SLC22A3: variants seen among roughly 807,000 people sequenced by gnomAD.
SLC22A3 encodes EMT organic cation transporter 3.
In SLC22A3, 51 loss-of-function variants were observed where a neutral mutation model predicts 59.1. The ratio of observed to expected loss-of-function variants is 0.86; its 90% CI spans 0.69 to 1.09. The LOEUF (loss-of-function observed/expected upper bound fraction) is 1.09, where lower values mean the gene tolerates loss of function less well. Ranked by LOEUF, SLC22A3 falls within the 50% of genes least tolerant of loss-of-function variation. The pLI is 0.00. For missense variants in SLC22A3, 711 were observed against 726.3 expected (o/e 0.98, Z 0.24); for synonymous variants, 325 against 292.0 (o/e 1.11, Z -1.15).
intron 2 of SLC22A3, among the ~76,000 whole-genome samples, chr6:160,400,896 C>T (rs567339442): frequency 2.8e-5 from 4 of 145,270 alleles, no homozygotes; most frequent in Non-Finnish European, 4.5e-5. Context: ...AAATGAAAAA[C>T]GTTGTTACTG....
intron 5 of SLC22A3, among the ~76,000 whole-genome samples, chr6:160,411,076 T>C (rs560944031): frequency 6.6e-6 from 1 of 152,150 alleles, no homozygotes; most frequent in Non-Finnish European, 1.5e-5. Flanking sequence ...TCATAGGACA[T>C]ATTAAAGAAG....
At chr6:160,443,808 A>G (rs1788641366) in intron 9 of SLC22A3, 66 bp downstream of exon 9, 5 of 850,940 alleles carry the variant, frequency 5.9e-6, no homozygotes, top group African/African-American at 1.7e-5. Context: ...GAGACCTATA[A>G]TAATTGTTAG....
At chr6:160,393,213 G>T (rs371084221) in intron 1 of SLC22A3, among the ~76,000 whole-genome samples, 2 of 151,692 alleles carry the variant, frequency 1.3e-5, no homozygotes, top group East Asian at 1.9e-4. Context: ...TGGTCACCTG[G>T]GTCCATTCCC....
intron 2 of SLC22A3, among the ~76,000 whole-genome samples, chr6:160,398,596 TTTGTATTCATAAATGCAACTGCC>T (rs1786623610): frequency 6.6e-6 from 1 of 152,224 alleles, no homozygotes; most frequent in Non-Finnish European, 1.5e-5. Context: ...TTTCTATTAT[TTTGTATTCATAAATGCAACTGCC>T]CAGTGGCAGG....
chr6:160,424,258 T>G (rs76347719), intron 5 of SLC22A3, among the ~76,000 whole-genome samples: 2,052 of 152,174 alleles, frequency 0.013, 39 homozygotes, highest in East Asian at 0.086. Flanking sequence ...TTAATACATC[T>G]TGGATTAAAA....
chr6:160,372,612 C>G (rs1446052194), intron 1 of SLC22A3, among the ~76,000 whole-genome samples: 1 of 151,992 alleles, frequency 6.6e-6, no homozygotes, highest in Non-Finnish European at 1.5e-5. Flanking sequence ...ATCCATTCTA[C>G]CCATCACTTT....
chr6:160,362,564 C>G (rs1785049904), intron 1 of SLC22A3, among the ~76,000 whole-genome samples: 1 of 152,112 alleles, frequency 6.6e-6, no homozygotes, highest in Admixed American at 6.5e-5. Context: ...GAGGCTGAAG[C>G]GAGGGCGTGG....
intron 5 of SLC22A3, chr6:160,425,898 G>A (rs977437266): frequency 4.1e-6 from 4 of 985,270 alleles, no homozygotes; most frequent in Non-Finnish European, 4.8e-6. Flanking sequence ...AACATGCTTC[G>A]CTGTCAACAA....
At chr6:160,382,092 G>C (rs1785820558) in intron 1 of SLC22A3, among the ~76,000 whole-genome samples, 1 of 152,206 alleles carries the variant, frequency 6.6e-6, no homozygotes, top group Non-Finnish European at 1.5e-5. Context: ...GCCAAAGCAT[G>C]CTGATTCCCA....
chr6:160,387,372 T>C (rs1786063576), intron 1 of SLC22A3, among the ~76,000 whole-genome samples: 1 of 152,196 alleles, frequency 6.6e-6, no homozygotes, highest in South Asian at 2.1e-4. Context: ...CCGGCTTTTC[T>C]CCCAGAGCCT....
chr6:160,395,733 G>A (rs1237374190), intron 1 of SLC22A3, among the ~76,000 whole-genome samples: 1 of 152,126 alleles, frequency 6.6e-6, no homozygotes, highest in Non-Finnish European at 1.5e-5. Context: ...CATCTTGACT[G>A]ATCATCTCAG....
chr6:160,410,551 C>T lies in SLC22A3; in HGVS notation c.858-178C>T, dbSNP rs566155298. Among the ~76,000 whole-genome samples, 3 of 146,166 alleles carry T rather than the reference C, an allele frequency of 2.1e-5. No individual in the cohort carries two copies. In the South Asian group the frequency reaches 6.2e-4, roughly 30 times the overall value. The stretch of plus-strand genomic sequence containing the variant: ...ATCCAATTATCAAGCTAGCATTTTT[C>T]CCCATCCATTATAACCTTGCAGGAA... On this transcript the variant is annotated intron_variant, in intron 4 of 10. Coordinates refer to ENST00000275300, the MANE Select transcript of SLC22A3 (RefSeq NM_021977.4).
intron 7 of SLC22A3, among the ~76,000 whole-genome samples, chr6:160,440,265 C>T (rs921833772): frequency 6.6e-6 from 1 of 152,152 alleles, no homozygotes; most frequent in Admixed American, 6.5e-5. Flanking sequence ...TTGGATAAGT[C>T]GTCTTCTTGA....
At chr6:160,380,005 A>G (rs1785738291) in intron 1 of SLC22A3, among the ~76,000 whole-genome samples, 2 of 152,208 alleles carry the variant, frequency 1.3e-5, no homozygotes, top group South Asian at 4.1e-4. Context: ...AGGCTTATCT[A>G]GACAGATCCT....
intron 5 of SLC22A3, chr6:160,426,165 A>G: frequency 1.0e-6 from 1 of 985,476 alleles, no homozygotes; most frequent in Non-Finnish European, 1.2e-6. Flanking sequence ...CTCTTCAGCT[A>G]TACCTGACTT....
At chr6:160,416,706 C>G (rs1459337052) in intron 5 of SLC22A3, among the ~76,000 whole-genome samples, 1 of 152,184 alleles carries the variant, frequency 6.6e-6, no homozygotes, top group Non-Finnish European at 1.5e-5. Context: ...AGACATTATT[C>G]CTGCTTGTTA....
chr6:160,420,316 GGAACTATGGTGA>G (rs1351071914), intron 5 of SLC22A3, among the ~76,000 whole-genome samples: 2 of 152,214 alleles, frequency 1.3e-5, no homozygotes, highest in Non-Finnish European at 2.9e-5. Flanking sequence ...TTTTGCACAA[GGAACTATGGTGA>G]GCCAGGGCCT....
chr6:160,390,349 C>G (rs1426097640), intron 1 of SLC22A3, among the ~76,000 whole-genome samples: 2 of 152,162 alleles, frequency 1.3e-5, no homozygotes, highest in African/African-American at 4.8e-5. Context: ...AACTCCACAG[C>G]CAAGGCACTG....
chr6:160,375,128 T>C (rs1443551398), intron 1 of SLC22A3, among the ~76,000 whole-genome samples: 1 of 152,220 alleles, frequency 6.6e-6, no homozygotes, highest in African/African-American at 2.4e-5. Flanking sequence ...AAGCCAGATC[T>C]GGAAATTTGA....
Sources: allele counts gnomAD v4.1 joint callset (sites outside exome capture counted in the v4.1 genomes callset), GRCh38; gene constraint gnomAD v4.1.1; transcripts MANE v1.5; gene names NCBI Gene and HGNC (gene_info 2026-07-23, HGNC 2026-07-21).